CBLN2: variants seen among roughly 807,000 people sequenced by gnomAD.
The protein encoded by CBLN2 is cerebellin 2 precursor, also known as cerebellin-2.
CBLN2 carries 7 observed loss-of-function variants against 15.0 expected under a neutral mutation model. That is an observed-to-expected ratio of 0.47 (90% CI 0.27 to 0.88). The LOEUF (loss-of-function observed/expected upper bound fraction) is 0.88. Among genes scored for constraint, CBLN2 ranks in the 40% least tolerant of loss-of-function variants. CBLN2 has a pLI of 0.14. For synonymous variants in CBLN2, 149 were observed against 135.2 expected, an observed-to-expected ratio of 1.10 and a Z score of -0.71; for missense variants, 242 against 304.5, an observed-to-expected ratio of 0.79 and a Z score of 1.53.
At chr18:72,626,802 C>G (rs896765210) in intron 1 of CBLN2, among the ~76,000 whole-genome samples, 1 of 152,208 alleles carries the variant, frequency 6.6e-6, no homozygotes, top group African/African-American at 2.4e-5. Context: ...TTGATGACCA[C>G]TAGCTCAGGC....
At chr18:72,582,774 A>T (rs1442573376) in intron 1 of CBLN2, among the ~76,000 whole-genome samples, 1 of 152,250 alleles carries the variant, frequency 6.6e-6, no homozygotes, top group Non-Finnish European at 1.5e-5. Flanking sequence ...TTTGTGGATC[A>T]TGCTCAGATT....
At chr18:72,581,183 C>A (rs987439408) in intron 1 of CBLN2, among the ~76,000 whole-genome samples, 1 of 152,206 alleles carries the variant, frequency 6.6e-6, no homozygotes, top group Admixed American at 6.5e-5. Context: ...CTTTTCCCTT[C>A]ACAGCAGTCT....
At chr18:72,622,042 T>G (rs2069704481) in intron 1 of CBLN2, among the ~76,000 whole-genome samples, 1 of 152,160 alleles carries the variant, frequency 6.6e-6, no homozygotes, top group Non-Finnish European at 1.5e-5. Flanking sequence ...TAATTTTCTA[T>G]TTTTATAGAT....
upstream of CBLN2, among the ~76,000 whole-genome samples, chr18:72,547,657 A>G (rs1257216488): frequency 1.3e-5 from 2 of 152,118 alleles, no homozygotes; most frequent in African/African-American, 4.8e-5. Context: ...ATATACATAA[A>G]TAATATATTT....
chr18:72,587,802 C>A (rs1249974201), intron 1 of CBLN2, among the ~76,000 whole-genome samples: 1 of 152,104 alleles, frequency 6.6e-6, no homozygotes, highest in Admixed American at 6.5e-5. Flanking sequence ...AGACACAAAG[C>A]CAAGTGCAAA....
At chr18:72,538,486 A>G in intron 4 of CBLN2, 113 bp from the exon 5 acceptor site, 1 of 1,422,636 alleles carries the variant, frequency 7.0e-7, no homozygotes, top group East Asian at 2.3e-5. Flanking sequence ...TAGAGTACAC[A>G]TCAGGGGAGC....
At chr18:72,627,543 C>T (rs906780414) in intron 1 of CBLN2, among the ~76,000 whole-genome samples, 4 of 152,268 alleles carry the variant, frequency 2.6e-5, no homozygotes, top group Non-Finnish European at 4.4e-5. Context: ...GCATCTTGAT[C>T]GCCATAGTTG....
intron 1 of CBLN2, among the ~76,000 whole-genome samples, chr18:72,585,156 G>C (rs78787853): frequency 0.014 from 2,159 of 152,332 alleles, 59 homozygotes; most frequent in African/African-American, 0.049. Flanking sequence ...AGAGCTCCTA[G>C]ATTTGGGCTC....
intron 1 of CBLN2, among the ~76,000 whole-genome samples, chr18:72,577,597 G>A (rs994515787): frequency 1.6e-4 from 25 of 152,266 alleles, no homozygotes; most frequent in African/African-American, 6.0e-4. Context: ...TAACACTTGC[G>A]TATTAACTAT....
rs1030694644 is a variant in CBLN2 at position 72,569,938 on chromosome 18, A to C, written c.16-31166T>G. On this transcript the variant is annotated intron_variant, in intron 1 of 2. Coordinates refer to the CBLN2 transcript ENST00000581073. ...CATAGAGATGTATAGTTTAAATGGG[A>C]GATTCACAGATCCACAGAAATGTCT... Among the ~76,000 whole-genome samples, 5 of 152,352 alleles carry C rather than the reference A, an allele frequency of 3.3e-5. No homozygotes were observed. In the East Asian group the frequency reaches 7.7e-4, roughly 24 times the overall value.
At chr18:72,603,242 C>G (rs920265172) in intron 1 of CBLN2, among the ~76,000 whole-genome samples, 2 of 152,240 alleles carry the variant, frequency 1.3e-5, no homozygotes, top group African/African-American at 4.8e-5. Flanking sequence ...TCATTTAAAT[C>G]TCCAATATCC....
At chr18:72,615,034 T>TAA (rs1314122642) in intron 1 of CBLN2, among the ~76,000 whole-genome samples, 10,314 of 128,576 alleles carry the variant, frequency 0.08, 560 homozygotes, top group African/African-American at 0.12. Flanking sequence ...GGAGATCAAG[T>TAA]ACATATATAT....
At chr18:72,587,158 T>C (rs1342755689) in intron 1 of CBLN2, among the ~76,000 whole-genome samples, 2 of 152,042 alleles carry the variant, frequency 1.3e-5, no homozygotes, top group African/African-American at 2.4e-5. Flanking sequence ...TTTTAAGGGT[T>C]ATAGAGGAGT....
intron 1 of CBLN2, among the ~76,000 whole-genome samples, chr18:72,571,500 GAGTA>G: frequency 6.6e-6 from 1 of 152,312 alleles, no homozygotes; most frequent in Non-Finnish European, 1.5e-5. Flanking sequence ...GAAATTTATG[GAGTA>G]AGTAAATAAA....
chr18:72,546,435 C>G (rs2069158711), upstream of CBLN2, among the ~76,000 whole-genome samples: 1 of 148,800 alleles, frequency 6.7e-6, no homozygotes. Context: ...GCGAGACGCT[C>G]TCTCTCAAAA....
chr18:72,561,421 G>T (rs2069260633), intron 1 of CBLN2, among the ~76,000 whole-genome samples: 1 of 152,128 alleles, frequency 6.6e-6, no homozygotes, highest in Non-Finnish European at 1.5e-5. Context: ...ACAGTAAACA[G>T]CATCCATGAC....
At chr18:72,555,245 G>T (rs145882376) in intron 1 of CBLN2, among the ~76,000 whole-genome samples, 1 of 152,172 alleles carries the variant, frequency 6.6e-6, no homozygotes, top group Non-Finnish European at 1.5e-5. Context: ...CTCTAAAGGT[G>T]CCCTCGGCTG....
chr18:72,543,675 CCCCGCGCGCCCG>C lies in CBLN2; in HGVS notation c.-211-157_-211-146del. The C allele has an allele frequency of 5.6e-6, 2 of 360,210 alleles. No individual in the cohort carries two copies. The highest frequency in any genetic ancestry group is 9.9e-6 in the Non-Finnish European group (2 of 201,622). The allele number at this position is 360,210 out of a possible 1,614,324, so 22.3% of individuals were successfully genotyped here. On this transcript the variant is annotated intron_variant, in intron 1 of 4. Transcript: ENST00000269503. The surrounding 1 kb of genome is among the most constrained non-coding windows in gnomAD (Gnocchi z 6.8). ...TGCGCCGCTTCAGGGGTGCACCACG[CCCCGCGCGCCCG>C]CTTAGGCGCCGCGCCCGGGACCGGG...
rs900081069 is a variant in CBLN2, at chr18:72,578,587, A to G, written c.16-39815T>C. On this transcript the variant is annotated intron_variant, in intron 1 of 2. Transcript: ENST00000581073. ...TATGCTTATGAAGTTTTGTTTTTTT[A>G]AAAGGCTTACAATGTTTCACATTTA... is the stretch of plus-strand genomic sequence containing the variant. Among the ~76,000 whole-genome samples, 30 of 152,296 alleles carry G rather than the reference A, an allele frequency of 2.0e-4. 1 individual carries two copies. The highest frequency in any genetic ancestry group is 7.2e-4 in the African/African-American group (30 of 41,574).
Sources: allele counts gnomAD v4.1 joint callset (sites outside exome capture counted in the v4.1 genomes callset), GRCh38; gene constraint gnomAD v4.1.1; non-coding constraint Gnocchi (gnomAD v3.1); transcripts MANE v1.5; gene names NCBI Gene and HGNC (gene_info 2026-07-23, HGNC 2026-07-21).